The following EIF5 variants were observed in gnomAD, a reference collection of about 807,000 sequenced individuals.
The protein encoded by EIF5 is eukaryotic translation initiation factor 5.
In EIF5, 10 loss-of-function variants were observed where a neutral mutation model predicts 48.3. The ratio of observed to expected loss-of-function variants is 0.21; its 90% CI spans 0.13 to 0.35. EIF5 has a LOEUF of 0.35. Among genes scored for constraint, EIF5 ranks in the 10% least tolerant of loss-of-function variants. The pLI is 1.00. For synonymous variants in EIF5, 237 were observed against 173.1 expected (o/e 1.37, Z -2.90); for missense variants, 397 against 533.2 (o/e 0.74, Z 2.51).
chr14:103,339,504 GGGAT>G, intron 9 of EIF5, 131 bp from the exon 10 acceptor site: 1 of 1,435,738 alleles, frequency 7.0e-7, no homozygotes, highest in Non-Finnish European at 9.5e-7. Flanking sequence ...CAAAGTAACA[GGGAT>G]GTTTATGCAT....
intron 4 of EIF5, 91 bp downstream of exon 4, chr14:103,336,208 G>C (rs2089283579): frequency 7.9e-7 from 1 of 1,259,264 alleles, no homozygotes; most frequent in Admixed American, 2.4e-5. Flanking sequence ...TTGTATGCTA[G>C]CTAATTACCT....
chr14:103,337,841 A>G (rs1263930430), intron 6 of EIF5: 1 of 513,524 alleles, frequency 1.9e-6, no homozygotes, highest in Non-Finnish European at 3.9e-6. Flanking sequence ...ATTAAACTTG[A>G]ATATTGCAAG....
At chr14:103,340,399 C>CT (rs1415466368) in intron 10 of EIF5, 28 bp from the exon 11 acceptor site, 3 of 1,584,500 alleles carry the variant, frequency 1.9e-6, no homozygotes, top group Non-Finnish European at 2.6e-6. Flanking sequence ...AATTCCTCAA[C>CT]TAAGAGACTT....
rs1399927247 is a variant in EIF5 at position 103,343,335 on chromosome 14, G to T, written c.*2283G>T. The T allele has an allele frequency of 6.6e-6, 1 of 152,168 alleles. No homozygotes were observed. The highest frequency in any genetic ancestry group is 1.9e-4 in the East Asian group (1 of 5,202). The allele number at this position is 152,168 out of a possible 1,614,324, so 9.4% of individuals were successfully genotyped here. On this transcript the variant is annotated 3_prime_UTR_variant, in exon 12 of 12. Transcript: ENST00000216554. Reference sequence around the variant, plus strand: ...TCACAAAAGTTGTTCATTTCATTGGGTCACTGGCTTTATTTGCTAGTCTTG... The same window carrying T: ...TCACAAAAGTTGTTCATTTCATTGGTTCACTGGCTTTATTTGCTAGTCTTG...
rs895972561 is a variant in EIF5 at position 103,343,881 on chromosome 14, A to G, written c.*2829A>G. On this transcript the variant is annotated 3_prime_UTR_variant, in exon 12 of 12. Coordinates refer to ENST00000216554, the MANE Select transcript of EIF5 (RefSeq NM_001969.5). ...GCAGACAATCCTTATCTAACCAGCT[A>G]TTTTCTTAATTGCTACAGCTTGACC... 2 of 152,156 alleles carry G rather than the reference A, an allele frequency of 1.3e-5. No homozygotes were observed. Among genetic ancestry groups the G allele is most frequent in the Admixed American group, 6.5e-5 (1 of 15,274 alleles). 9.4% of individuals were successfully genotyped at this position (152,156 alleles called of 1,614,324 possible).
In EIF5 at chr14:103,341,832, G is replaced by A. The variant is rs2089356314; in HGVS notation, c.*780G>A. On this transcript the variant is annotated 3_prime_UTR_variant, in exon 12 of 12. Coordinates refer to ENST00000216554, the MANE Select transcript of EIF5 (RefSeq NM_001969.5). ...TTTGTGTGTACGTAGTAGTTACTTT[G>A]TACTGAGAGAACTTGCTTTGGGGTG... 1 of 152,252 alleles carries A rather than the reference G, an allele frequency of 6.6e-6. No homozygotes were observed. Among genetic ancestry groups the A allele is most frequent in the Non-Finnish European group, 1.5e-5 (1 of 68,010 alleles). 9.4% of individuals were successfully genotyped at this position (152,252 alleles called of 1,614,324 possible). A position where few individuals can be genotyped will look rare whatever the true frequency, so the allele number is the denominator to read the frequency against.
chr14:103,339,489 C>T, intron 9 of EIF5, 150 bp from the exon 10 acceptor site: 3 of 1,404,962 alleles, frequency 2.1e-6, no homozygotes, highest in East Asian at 2.3e-5. Flanking sequence ...ATACCTAGGC[C>T]CTTACAAAGT....
Position 103,334,252 on chromosome 14 carries a change from A to G in EIF5, c.-426A>G, listed in dbSNP as rs1480653858. On this transcript the variant is annotated 5_prime_UTR_variant, in exon 1 of 12. Coordinates refer to ENST00000216554, the MANE Select transcript of EIF5 (RefSeq NM_001969.5). ...GGCGTTGTTCAGTCAGAGCGAGAAC[A>G]TTCCAGAGGTGAGTCCGGTGAAGGG... 1.3e-5 allele frequency: 2 copies of G among 152,280 alleles called. No individual in the cohort carries two copies. Among genetic ancestry groups the G allele is most frequent in the Admixed American group, 1.3e-4 (2 of 15,292 alleles). 9.4% of individuals were successfully genotyped at this position (152,280 alleles called of 1,614,324 possible). A position where few individuals can be genotyped will look rare whatever the true frequency, so the allele number is the denominator to read the frequency against.
chr14:103,337,254 G>C (rs1185644752), intron 6 of EIF5, 27 bp downstream of exon 6: 2 of 1,556,616 alleles, frequency 1.3e-6, no homozygotes, highest in African/African-American at 2.7e-5. Context: ...GAACTCCTAA[G>C]ATCCTAAGAT....
intron 2 of EIF5, chr14:103,335,039 G>A (rs2089267508): frequency 6.6e-6 from 1 of 152,246 alleles, no homozygotes; most frequent in African/African-American, 2.4e-5. Context: ...TCGGAGCGCG[G>A]TAGCCATGGG....
rs757927312 is a variant in EIF5 at position 103,338,351 on chromosome 14, A to G, written c.464A>G (p.Lys155Arg). The G allele has an allele frequency of 3.1e-5, 50 of 1,613,992 alleles. No individual in the cohort carries two copies. The highest frequency in any genetic ancestry group is 6.6e-5 in the South Asian group (6 of 91,072). ...GAGAATAGTGACAGTGGTACAGGAA[A>G]GAAAGAAAAAGAAAAGAAAAACAGA... ...PPENSDSGTG[K>R]KEKEKKNRKG... Residue 155 changes from lysine to arginine, a missense_variant, in exon 7 of 12, where the codon AAG becomes AGG. Around this residue, in one of 4 missense-constraint regions of EIF5, gnomAD observed 126 missense variants for 141.9 expected, o/e 0.89. Coordinates refer to ENST00000216554, the MANE Select transcript of EIF5 (RefSeq NM_001969.5).
intron 6 of EIF5, 198 bp from the exon 7 acceptor site, chr14:103,338,129 A>T (rs2089311029): frequency 1.3e-6 from 1 of 789,372 alleles, no homozygotes; most frequent in African/African-American, 1.7e-5. Flanking sequence ...GTGTCACTCC[A>T]TTCTTAGACT....
At position 103,334,588 on chromosome 14, in the gene EIF5, G is replaced by C. The variant is rs1358626226; in HGVS notation, c.-218G>C. On this transcript the variant is annotated 5_prime_UTR_variant, in exon 2 of 12. Coordinates refer to ENST00000216554, the MANE Select transcript of EIF5 (RefSeq NM_001969.5). ...CAGCGTTGGGTTTATGTCTTTATTT[G>C]ACGAAAACGGTGAGTCGCGGGCGCG... 1 of 152,050 alleles carries C rather than the reference G, an allele frequency of 6.6e-6. No individual in the cohort carries two copies. Among genetic ancestry groups the C allele is most frequent in the African/African-American group, 2.4e-5 (1 of 41,336 alleles). 9.4% of individuals were successfully genotyped at this position (152,050 alleles called of 1,614,324 possible).
At chr14:103,335,572 A>C in intron 2 of EIF5, 81 bp from the exon 3 acceptor site, 1 of 485,696 alleles carries the variant, frequency 2.1e-6, no homozygotes, top group South Asian at 2.6e-5. Flanking sequence ...CATAACTAGG[A>C]TGTAAAAAGG....
rs1266242554 is a variant in EIF5 at position 103,342,801 on chromosome 14, T to C, written c.*1749T>C. ...GGATTTTTTTTTCTTCAAACTTGTA[T>C]GTTGCCTAGGTTTCAAATTCTTTGC... On this transcript the variant is annotated 3_prime_UTR_variant, in exon 12 of 12. Coordinates refer to ENST00000216554, the MANE Select transcript of EIF5 (RefSeq NM_001969.5). 6.6e-6 allele frequency: 1 copy of C among 152,670 alleles called. No homozygotes were observed. The highest frequency in any genetic ancestry group is 6.5e-5 in the Admixed American group (1 of 15,282). 9.5% of individuals were successfully genotyped at this position (152,670 alleles called of 1,614,324 possible). A position where few individuals can be genotyped will look rare whatever the true frequency, so the allele number is the denominator to read the frequency against.
Position 103,334,523 on chromosome 14 carries a change from G to C in EIF5, c.-283G>C, listed in dbSNP as rs1186117386. Reference sequence around the variant, plus strand: ...CTCCGCCTCCTCGGACTCGGACTCGGGTTTATATCGCGCCTCACTTCATCC... The same window carrying C: ...CTCCGCCTCCTCGGACTCGGACTCGCGTTTATATCGCGCCTCACTTCATCC... On this transcript the variant is annotated 5_prime_UTR_variant, in exon 2 of 12. Coordinates refer to ENST00000216554, the MANE Select transcript of EIF5 (RefSeq NM_001969.5). 1 of 152,516 alleles carries C rather than the reference G, an allele frequency of 6.6e-6. No individual in the cohort carries two copies. Among genetic ancestry groups the C allele is most frequent in the Non-Finnish European group, 1.5e-5 (1 of 68,094 alleles). The allele number at this position is 152,516 out of a possible 1,614,324, so 9.4% of individuals were successfully genotyped here.
At position 103,338,388 on chromosome 14, in the gene EIF5, C is replaced by T; in HGVS notation, c.501C>T (p.Asp167=). The change falls in exon 7 of 12, where the codon GAC becomes GAT. Residue 167 remains aspartate (D), a synonymous_variant. Coordinates refer to ENST00000216554, the MANE Select transcript of EIF5 (RefSeq NM_001969.5). ...EKEKKNRKGK[D]KENGSVSSSE... is the part of the protein sequence containing the mutation. ...AAAAGAAAAACAGAAAGGGCAAAGA[C>T]AAGGAAAATGGCTCCGTATCCAGCA... 1 of 1,613,188 alleles carries T rather than the reference C, an allele frequency of 6.2e-7. No individual in the cohort carries two copies. The highest frequency in any genetic ancestry group is 8.5e-7 in the Non-Finnish European group (1 of 1,179,470).
rs2089352337 is a variant in EIF5, at chr14:103,341,525, A to C, written c.*473A>C. On this transcript the variant is annotated 3_prime_UTR_variant, in exon 12 of 12. Transcript: ENST00000216554. ...ATGTAAAGCAAACTTAATTGTAATT[A>C]ATTTATTCAGCCCATTAAGAAAGTA... is the stretch of plus-strand genomic sequence containing the variant. 6.4e-6 allele frequency: 1 copy of C among 156,736 alleles called. No individual in the cohort carries two copies. The highest frequency in any genetic ancestry group is 2.4e-5 in the African/African-American group (1 of 41,504). 9.7% of individuals were successfully genotyped at this position (156,736 alleles called of 1,614,324 possible). A position where few individuals can be genotyped will look rare whatever the true frequency, so the allele number is the denominator to read the frequency against.
intron 2 of EIF5, chr14:103,335,237 G>A (rs8021359): frequency 6.5e-6 from 1 of 153,534 alleles, no homozygotes; most frequent in East Asian, 1.9e-4. Context: ...AGTTCCCTAG[G>A]TTGCCCTTAA....
Sources: allele counts gnomAD v4.1 joint callset, GRCh38; gene constraint gnomAD v4.1.1; regional missense constraint gnomAD v4.1.1; transcripts MANE v1.5; gene names NCBI Gene and HGNC (gene_info 2026-07-23, HGNC 2026-07-21).